CDH23: variants seen among roughly 807,000 people sequenced by gnomAD.
CDH23 encodes the protein cadherin-23.
Under a neutral mutation model 317.1 loss-of-function variants are expected in CDH23, and 189 were observed. The ratio of observed to expected loss-of-function variants is 0.60; its 90% CI spans 0.53 to 0.67. The LOEUF (loss-of-function observed/expected upper bound fraction) is 0.67. CDH23 is among the 30% of genes least tolerant of loss of function. CDH23 has a pLI of 0.00. For synonymous variants in CDH23, 1,839 were observed against 1,876.8 expected (o/e 0.98, Z 0.52); for missense variants, 4,401 against 4,592.4 (o/e 0.96, Z 1.20).
intron 65 of CDH23, 55 bp from the exon 66 acceptor site, chr10:71,811,900 A>T (rs1456429307): frequency 9.0e-7 from 1 of 1,113,288 alleles, no homozygotes; most frequent in Non-Finnish European, 1.2e-6. Context: ...CCCCAACACC[A>T]CCCCTACCCC....
intron 11 of CDH23, among the ~76,000 whole-genome samples, chr10:71,628,300 TC>T (rs1193070673): frequency 6.6e-6 from 1 of 151,712 alleles, no homozygotes; most frequent in Non-Finnish European, 1.5e-5. Flanking sequence ...ACTAACTCTG[TC>T]CCCCGAAAGG....
chr10:71,710,787 T>C (rs1865942789), intron 27 of CDH23, among the ~76,000 whole-genome samples: 1 of 152,224 alleles, frequency 6.6e-6, no homozygotes, highest in African/African-American at 2.4e-5. Flanking sequence ...AAGTGCCTTG[T>C]GTGCACAAGC....
At chr10:71,788,313 G>T (rs1192431980) in intron 44 of CDH23, among the ~76,000 whole-genome samples, 1 of 152,054 alleles carries the variant, frequency 6.6e-6, no homozygotes, top group Non-Finnish European at 1.5e-5. Flanking sequence ...GACTCCCAAA[G>T]TGCTGGGATT....
chr10:71,533,525 C>CCCCA lies in CDH23; in HGVS notation c.429+22314_429+22315insCCAC, dbSNP rs1249775933. ...ATTGTGACCCTAGGCTGGCTGGACACCACACACACACACACACACACACAC... is the reference window on the plus strand; with the variant it reads ...ATTGTGACCCTAGGCTGGCTGGACACCCCACACACACACACACACACACACACAC... On this transcript the variant is annotated intron_variant, in intron 6 of 69. Coordinates refer to ENST00000224721, the MANE Select transcript of CDH23 (RefSeq NM_022124.6). 5.6e-4 allele frequency among the ~76,000 whole-genome samples: 73 copies of CCCCA among 130,822 alleles called. 1 individual carries two copies. Among genetic ancestry groups the CCCCA allele is most frequent in the African/African-American group, 1.7e-3 (58 of 33,566 alleles). The allele number at this position is 130,822 out of a possible 152,430, so 85.8% of individuals were successfully genotyped here. A position where few individuals can be genotyped will look rare whatever the true frequency, so the allele number is the denominator to read the frequency against.
At position 71,695,563 on chromosome 10, in the gene CDH23, C is replaced by A; in HGVS notation, c.2397+38C>A. 3 of 1,447,092 alleles carry A rather than the reference C, an allele frequency of 2.1e-6. No individual in the cohort carries two copies. In the East Asian group the frequency reaches 6.8e-5, roughly 33 times the overall value. 89.6% of individuals were successfully genotyped at this position (1,447,092 alleles called of 1,614,324 possible). On this transcript the variant is annotated intron_variant, in intron 22 of 69. Coordinates refer to ENST00000224721, the MANE Select transcript of CDH23 (RefSeq NM_022124.6). The stretch of plus-strand genomic sequence containing the variant: ...AGAGCAGCAGAACTGCCAGGCGGCC[C>A]TTCCCAGGGGTCTGTGCCCCTCCCA...
chr10:71,787,254 C>T (rs1328927796), intron 44 of CDH23, among the ~76,000 whole-genome samples: 3 of 151,988 alleles, frequency 2.0e-5, no homozygotes, highest in Non-Finnish European at 2.9e-5. Flanking sequence ...AAATGAGGCA[C>T]CCAAGATCAC....
intron 6 of CDH23, among the ~76,000 whole-genome samples, chr10:71,515,603 G>C (rs1260068290): frequency 6.6e-6 from 1 of 151,912 alleles, no homozygotes; most frequent in Non-Finnish European, 1.5e-5. Flanking sequence ...GAGCTGACTT[G>C]GGCATGCAGG....
chr10:71,549,174 G>A (rs963997828), intron 6 of CDH23, among the ~76,000 whole-genome samples: 2 of 152,258 alleles, frequency 1.3e-5, no homozygotes, highest in Admixed American at 1.3e-4. Context: ...TCCAAGAGCT[G>A]GGGCTCCTTG....
At chr10:71,525,499 C>T (rs952180303) in intron 6 of CDH23, among the ~76,000 whole-genome samples, 1 of 152,134 alleles carries the variant, frequency 6.6e-6, no homozygotes, top group Non-Finnish European at 1.5e-5. Context: ...GGGAACAATC[C>T]ACGAGGGCCA....
intron 6 of CDH23, among the ~76,000 whole-genome samples, chr10:71,536,700 G>T (rs1005341373): frequency 6.6e-6 from 1 of 152,156 alleles, no homozygotes; most frequent in African/African-American, 2.4e-5. Context: ...GTCCCATCCA[G>T]ACCCAAACGG....
intron 28 of CDH23, among the ~76,000 whole-genome samples, chr10:71,721,740 C>T (rs1049792251): frequency 5.3e-5 from 8 of 152,282 alleles, no homozygotes; most frequent in East Asian, 1.9e-4. Context: ...TTCATACCAC[C>T]ATGTCTATAC....
At chr10:71,515,392 TCTCACACA>T (rs978989933) in intron 6 of CDH23, among the ~76,000 whole-genome samples, 22 of 31,290 alleles carry the variant, frequency 7.0e-4, no homozygotes, top group Admixed American at 2.0e-3. Context: ...TCTCTCTCTC[TCTCACACA>T]CACACACACA....
intron 2 of CDH23, among the ~76,000 whole-genome samples, chr10:71,440,832 G>C (rs1158767482): frequency 6.6e-6 from 1 of 152,186 alleles, no homozygotes; most frequent in African/African-American, 2.4e-5. Flanking sequence ...TGGGCATGGT[G>C]TACCTGGTGA....
chr10:71,492,487 C>T (rs1008810772), intron 3 of CDH23, among the ~76,000 whole-genome samples: 4 of 152,204 alleles, frequency 2.6e-5, no homozygotes, highest in Admixed American at 2.0e-4. Context: ...ACTCTCTTCT[C>T]TCTGCCCCTC....
chr10:71,668,441 G>A (rs916479592), intron 14 of CDH23, among the ~76,000 whole-genome samples: 1 of 152,198 alleles, frequency 6.6e-6, no homozygotes, highest in Admixed American at 6.5e-5. Context: ...ACCAAAGGGA[G>A]GAGCAAGGGA....
intron 14 of CDH23, among the ~76,000 whole-genome samples, chr10:71,674,360 A>G (rs1457731312): frequency 6.6e-6 from 1 of 152,228 alleles, no homozygotes; most frequent in Non-Finnish European, 1.5e-5. Flanking sequence ...ATCAAAATAC[A>G]TTTTTAGCCA....
chr10:71,484,052 G>C (rs35986557), intron 3 of CDH23, among the ~76,000 whole-genome samples: 1 of 152,154 alleles, frequency 6.6e-6, no homozygotes, highest in African/African-American at 2.4e-5. Flanking sequence ...CACCTCCCAC[G>C]GCCACAGCGT....
intron 9 of CDH23, among the ~76,000 whole-genome samples, chr10:71,609,304 C>G (rs1307725001): frequency 2.0e-5 from 3 of 151,896 alleles, no homozygotes; most frequent in African/African-American, 7.3e-5. Context: ...CCCTCTCCCT[C>G]TCCCTCTCCC....
At chr10:71,810,697 C>A (rs1841889114) in intron 62 of CDH23, 128 bp downstream of exon 62, 1 of 825,742 alleles carries the variant, frequency 1.2e-6, no homozygotes. Context: ...GGGGCCATCT[C>A]CCAGACTGGG....
Sources: allele counts gnomAD v4.1 joint callset (sites outside exome capture counted in the v4.1 genomes callset), GRCh38; gene constraint gnomAD v4.1.1; transcripts MANE v1.5; gene names NCBI Gene and HGNC (gene_info 2026-07-23, HGNC 2026-07-21).